Variants in SGMS1 observed in about 807,000 individuals in gnomAD.
SGMS1 encodes the protein sphingomyelin synthase 1, also known as phosphatidylcholine:ceramide cholinephosphotransferase 1.
Under a neutral mutation model 46.2 loss-of-function variants are expected in SGMS1, and 13 were observed. That is an observed-to-expected ratio of 0.28 (90% CI 0.18 to 0.45). The LOEUF is 0.45. Among genes scored for constraint, SGMS1 ranks in the 20% least tolerant of loss-of-function variants. The pLI is 1.00. For synonymous variants in SGMS1, 203 were observed against 187.8 expected (o/e 1.08, Z -0.66); for missense variants, 324 against 519.9 (o/e 0.62, Z 3.66).
At chr10:50,616,012 T>C (rs1457985556) in intron 1 of SGMS1, among the ~76,000 whole-genome samples, 1 of 152,240 alleles carries the variant, frequency 6.6e-6, no homozygotes, top group Non-Finnish European at 1.5e-5. Flanking sequence ...AATGTAGTCT[T>C]AGAGAGTGTT....
intron 6 of SGMS1, among the ~76,000 whole-genome samples, chr10:50,384,617 T>C (rs1266136803): frequency 1.3e-5 from 2 of 152,054 alleles, no homozygotes; most frequent in African/African-American, 4.8e-5. Flanking sequence ...CAGGTTATTT[T>C]TAATTTTATT....
intron 2 of SGMS1, among the ~76,000 whole-genome samples, chr10:50,562,497 C>T (rs1284535531): frequency 6.6e-6 from 1 of 152,174 alleles, no homozygotes; most frequent in Non-Finnish European, 1.5e-5. Flanking sequence ...ATTGCAGATG[C>T]TGTAAGAGGA....
At chr10:50,577,556 C>T (rs1232175223) in intron 2 of SGMS1, among the ~76,000 whole-genome samples, 1 of 152,052 alleles carries the variant, frequency 6.6e-6, no homozygotes, top group Admixed American at 6.6e-5. Flanking sequence ...ACTGTCCTTC[C>T]TCTTAATTTT....
chr10:50,327,355 G>A (rs1229634755), intron 7 of SGMS1, 33 bp from the exon 8 acceptor site: 7 of 1,251,082 alleles, frequency 5.6e-6, no homozygotes, highest in South Asian at 1.3e-5. Context: ...CAGATTCTCA[G>A]TCAAGAAATT....
chr10:50,358,116 T>G, intron 6 of SGMS1, among the ~76,000 whole-genome samples: 1 of 151,912 alleles, frequency 6.6e-6, no homozygotes, highest in East Asian at 1.9e-4. Context: ...AACATCTCTA[T>G]TTTTTTTAAA....
chr10:50,532,704 A>G (rs1275688847), intron 2 of SGMS1, among the ~76,000 whole-genome samples: 1 of 152,218 alleles, frequency 6.6e-6, no homozygotes, highest in African/African-American at 2.4e-5. Context: ...ACTTTGGTTT[A>G]TGAGTTGCCT....
intron 2 of SGMS1, among the ~76,000 whole-genome samples, chr10:50,585,998 A>G (rs1838480382): frequency 6.6e-6 from 1 of 152,232 alleles, no homozygotes; most frequent in South Asian, 2.1e-4. Context: ...TAAATATTTT[A>G]GGCTTTGTAG....
intron 2 of SGMS1, among the ~76,000 whole-genome samples, chr10:50,552,344 A>C (rs1838155632): frequency 6.6e-6 from 1 of 152,238 alleles, no homozygotes; most frequent in Non-Finnish European, 1.5e-5. Context: ...ATGCTTCCTA[A>C]GGCATCTTCA....
At chr10:50,372,596 G>C (rs1029926891) in intron 6 of SGMS1, among the ~76,000 whole-genome samples, 1 of 152,106 alleles carries the variant, frequency 6.6e-6, no homozygotes, top group Non-Finnish European at 1.5e-5. Flanking sequence ...CGGAGGCTGA[G>C]GCAGGAGAAA....
intron 8 of SGMS1, among the ~76,000 whole-genome samples, chr10:50,323,179 G>C (rs948597844): frequency 1.3e-5 from 2 of 152,152 alleles, no homozygotes; most frequent in South Asian, 4.1e-4. Flanking sequence ...TACTGCCATC[G>C]AGTGAATGAA....
At chr10:50,599,676 A>G (rs925022304) in intron 1 of SGMS1, among the ~76,000 whole-genome samples, 1 of 152,192 alleles carries the variant, frequency 6.6e-6, no homozygotes, top group Admixed American at 6.5e-5. Context: ...CAGCCTGGCC[A>G]ACATAGTGAA....
chr10:50,446,835 A>C (rs574979418), intron 5 of SGMS1, among the ~76,000 whole-genome samples: 2 of 152,338 alleles, frequency 1.3e-5, no homozygotes, highest in African/African-American at 4.8e-5. Flanking sequence ...ACATTGTATA[A>C]ATTATACCTA....
At chr10:50,521,045 A>ATT (rs1002836045) in intron 2 of SGMS1, among the ~76,000 whole-genome samples, 2 of 148,698 alleles carry the variant, frequency 1.3e-5, no homozygotes, top group East Asian at 3.9e-4. Context: ...TGCCCAGTTG[A>ATT]TTTTTTTTTT....
chr10:50,322,862 AAG>A lies in SGMS1; in HGVS notation c.741+4341_741+4342del, dbSNP rs1372493514. 8.5e-3 allele frequency among the ~76,000 whole-genome samples: 1,276 copies of A among 150,534 alleles called. 18 individuals are homozygous for A. Among genetic ancestry groups the A allele is most frequent in the African/African-American group, 0.03 (1,222 of 40,672 alleles). ...TCAAAAAAAAAAAAAAAAAAAAAAAAAGATGAGAAGAGGTTGTTTTCAGGATG... is the reference window on the plus strand; with the variant it reads ...TCAAAAAAAAAAAAAAAAAAAAAAAAATGAGAAGAGGTTGTTTTCAGGATG... On this transcript the variant is annotated intron_variant, in intron 8 of 10. Transcript: ENST00000361781.
At chr10:50,455,115 G>GA (rs1837175118) in intron 5 of SGMS1, among the ~76,000 whole-genome samples, 1 of 152,080 alleles carries the variant, frequency 6.6e-6, no homozygotes, top group African/African-American at 2.4e-5. Context: ...CCAGGCATGA[G>GA]GTAGAGATAT....
intron 1 of SGMS1, among the ~76,000 whole-genome samples, chr10:50,610,508 T>C (rs760057929): frequency 1.3e-5 from 2 of 152,010 alleles, no homozygotes; most frequent in Non-Finnish European, 2.9e-5. Context: ...CTTGAGAAAC[T>C]CCTGAGAGCG....
intron 6 of SGMS1, among the ~76,000 whole-genome samples, chr10:50,364,254 A>G (rs1848299144): frequency 6.6e-6 from 1 of 152,206 alleles, no homozygotes; most frequent in Non-Finnish European, 1.5e-5. Context: ...TTTAAATCTA[A>G]AAAGAGAAAA....
At chr10:50,451,641 A>G (rs1263275048) in intron 5 of SGMS1, among the ~76,000 whole-genome samples, 1 of 152,196 alleles carries the variant, frequency 6.6e-6, no homozygotes, top group Non-Finnish European at 1.5e-5. Flanking sequence ...ACCTCTGCAG[A>G]ATTAATATAA....
chr10:50,585,959 G>A (rs979586004), intron 2 of SGMS1, among the ~76,000 whole-genome samples: 4 of 152,162 alleles, frequency 2.6e-5, no homozygotes, highest in Non-Finnish European at 5.9e-5. Flanking sequence ...AGCAGGAGCT[G>A]GCAAACTTTT....
Sources: gnomAD v4.1 joint callset for allele counts (sites outside exome capture counted in the v4.1 genomes callset) on GRCh38, gnomAD v4.1.1 for gene constraint, MANE v1.5 for transcripts, NCBI Gene and HGNC (gene_info 2026-07-23, HGNC 2026-07-21) for gene names.